Variants in PSMB3 observed in about 807,000 individuals in gnomAD.
PSMB3 encodes the protein proteasome 20S subunit beta 3.
In PSMB3, 5 loss-of-function variants were observed where a neutral mutation model predicts 23.3. That is an observed-to-expected ratio of 0.21 (90% CI 0.11 to 0.45). The LOEUF is 0.45. Among genes scored for constraint, PSMB3 ranks in the 20% least tolerant of loss-of-function variants. The pLI, the probability that PSMB3 is intolerant of heterozygous loss-of-function variation, is 0.99. For synonymous variants in PSMB3, 85 were observed against 99.8 expected (o/e 0.85, Z 0.88); for missense variants, 192 against 277.9 (o/e 0.69, Z 2.20).
intron 5 of PSMB3, 36 bp from the exon 6 acceptor site, chr17:38,764,083 G>A (rs912872727): frequency 6.2e-7 from 1 of 1,613,548 alleles, no homozygotes; most frequent in African/African-American, 1.3e-5. Context: ...GTCCAGATGG[G>A]TAGAGATGTT....
At chr17:38,756,979 T>C (rs1315767686) in intron 3 of PSMB3, among the ~76,000 whole-genome samples, 99 of 149,684 alleles carry the variant, frequency 6.6e-4, no homozygotes, top group Non-Finnish European at 1.3e-4. Context: ...GTGATTTTCC[T>C]GCCTCAGCCT....
intron 3 of PSMB3, among the ~76,000 whole-genome samples, chr17:38,757,724 A>G (rs1340498793): frequency 6.6e-6 from 1 of 152,216 alleles, no homozygotes; most frequent in Non-Finnish European, 1.5e-5. Flanking sequence ...CTGAGGCAGG[A>G]GAATCGCTTG....
chr17:38,755,668 A>ATG (rs1298424838), intron 2 of PSMB3, among the ~76,000 whole-genome samples: 29 of 77,720 alleles, frequency 3.7e-4, no homozygotes, highest in African/African-American at 1.4e-3. Flanking sequence ...AAATATATAT[A>ATG]TATATATATA....
At chr17:38,753,403 G>A (rs986249906) in intron 2 of PSMB3, 69 bp downstream of exon 2, 101 of 1,510,102 alleles carry the variant, frequency 6.7e-5, no homozygotes, top group Non-Finnish European at 8.5e-5. Flanking sequence ...CGTCTTGACC[G>A]GCCAAGGTGT....
intron 3 of PSMB3, 45 bp from the exon 4 acceptor site, chr17:38,760,386 G>T (rs1908382969): frequency 1.3e-6 from 2 of 1,598,078 alleles, no homozygotes; most frequent in Admixed American, 3.4e-5. Context: ...ATGAAAGCGA[G>T]CGTTCTTGAG....
intron 3 of PSMB3, 34 bp downstream of exon 3, chr17:38,756,024 C>G: frequency 6.6e-7 from 1 of 1,519,332 alleles, no homozygotes; most frequent in Non-Finnish European, 9.1e-7. Context: ...TGAGGGAATG[C>G]AGACATCTTT....
At position 38,760,530 on chromosome 17, in the gene PSMB3, G is replaced by A; in HGVS notation, c.396G>A (p.Val132=). 6.2e-7 allele frequency: 1 copy of A among 1,614,260 alleles called. No homozygotes were observed. Residue 132 remains valine (V), a synonymous_variant, in exon 4 of 6, where the codon GTG becomes GTA. Coordinates refer to ENST00000619426, the MANE Select transcript of PSMB3 (RefSeq NM_002795.4). ...CSLDLIGCPM[V]TDDFVVSGTC... is the part of the protein sequence containing the mutation. The stretch of plus-strand genomic sequence containing the variant: ...TAGACCTCATCGGCTGCCCCATGGT[G>A]ACTGATGACTTTGTGGTCAGTGGCA...
chr17:38,753,424 C>G, intron 2 of PSMB3, 90 bp downstream of exon 2: 1 of 1,301,108 alleles, frequency 7.7e-7, no homozygotes, highest in Non-Finnish European at 1.1e-6. Context: ...CAGTCATCTA[C>G]CACACACCAC....
intron 4 of PSMB3, among the ~76,000 whole-genome samples, chr17:38,761,768 G>C (rs1177207460): frequency 2.0e-5 from 3 of 152,212 alleles, no homozygotes; most frequent in Admixed American, 2.0e-4. Flanking sequence ...TCTGTCCTCT[G>C]CCATAGGAAC....
intron 4 of PSMB3, 45 bp downstream of exon 4, chr17:38,760,653 C>T (rs780585383): frequency 6.2e-5 from 99 of 1,607,420 alleles, no homozygotes; most frequent in Non-Finnish European, 7.5e-5. Flanking sequence ...AGTTACCCAC[C>T]CTTGGTCATT....
chr17:38,753,459 T>A, intron 2 of PSMB3, 125 bp downstream of exon 2: 1 of 951,196 alleles, frequency 1.1e-6, no homozygotes, highest in Non-Finnish European at 1.5e-6. Context: ...CTTTGCCGCC[T>A]CCAAAAAACA....
chr17:38,753,376 G>A, intron 2 of PSMB3, 42 bp downstream of exon 2: 1 of 1,587,048 alleles, frequency 6.3e-7, no homozygotes, highest in Non-Finnish European at 8.6e-7. Context: ...GCCTCTTCTT[G>A]GACCATCCAA....
At position 38,753,141 on chromosome 17, in the gene PSMB3, C is replaced by CT. The variant is rs753321237; in HGVS notation, c.4-8dup. The stretch of plus-strand genomic sequence containing the variant: ...CCCCGCGCTGACCCCTCCGCTCTGT[C>CT]TGTCCTAGTCTATTATGTCCTATAA... On this transcript the variant is annotated splice_polypyrimidine_tract_variant and intron_variant, in intron 1 of 5. Transcript: ENST00000619426. 2 of 1,611,090 alleles carry CT rather than the reference C, an allele frequency of 1.2e-6. No homozygotes were observed. Among genetic ancestry groups the CT allele is most frequent in the Admixed American group, 3.4e-5 (2 of 59,542 alleles).
Position 38,760,418 on chromosome 17 carries a change from C to T in PSMB3, c.297-13C>T. 6.2e-7 allele frequency: 1 copy of T among 1,612,150 alleles called. No homozygotes were observed. The highest frequency in any genetic ancestry group is 8.5e-7 in the Non-Finnish European group (1 of 1,179,086). ...TGAGTTCTGGTTTCTCTCTCTGATG[C>T]TGGCCCCCACAGGTTTGGCCCTTAC... On this transcript the variant is annotated splice_polypyrimidine_tract_variant and intron_variant, in intron 3 of 5. Transcript: ENST00000619426.
At chr17:38,762,721 G>GT (rs1235477531) in intron 5 of PSMB3, among the ~76,000 whole-genome samples, 1 of 152,180 alleles carries the variant, frequency 6.6e-6, no homozygotes, top group African/African-American at 2.4e-5. Flanking sequence ...GTGAGGTTCT[G>GT]TGACCCCGTG....
intron 3 of PSMB3, among the ~76,000 whole-genome samples, chr17:38,759,625 A>C (rs1908351000): frequency 6.6e-6 from 1 of 151,538 alleles, no homozygotes; most frequent in Non-Finnish European, 1.5e-5. Context: ...GCTCACTGCA[A>C]GCTCCGCCTC....
chr17:38,762,976 AG>A (rs1489772500), intron 5 of PSMB3, among the ~76,000 whole-genome samples: 1 of 152,194 alleles, frequency 6.6e-6, no homozygotes, highest in African/African-American at 2.4e-5. Context: ...CTGATTGGAT[AG>A]AGTAGGAGGT....
chr17:38,758,755 C>CTGT (rs1908315245), intron 3 of PSMB3, among the ~76,000 whole-genome samples: 1 of 152,202 alleles, frequency 6.6e-6, no homozygotes, highest in Admixed American at 6.5e-5. Flanking sequence ...TTAGAAATGA[C>CTGT]TGTGATCCAG....
chr17:38,762,388 A>G lies in PSMB3; in HGVS notation c.475-23A>G, dbSNP rs1186868439. On this transcript the variant is annotated intron_variant, in intron 4 of 5. Transcript: ENST00000619426. Reference sequence around the variant, plus strand: ...AATCAGAGCCAGAGGCTGTGGTTTGAAGGGGTTCCACTCTGTTGGCAGGAT... The same window carrying G: ...AATCAGAGCCAGAGGCTGTGGTTTGGAGGGGTTCCACTCTGTTGGCAGGAT... 2.5e-6 allele frequency: 4 copies of G among 1,603,102 alleles called. No individual in the cohort carries two copies. The African/African-American group carries it at 5.4e-5, about 21-fold the overall frequency.
Sources: gnomAD v4.1 joint callset for allele counts (sites outside exome capture counted in the v4.1 genomes callset) on GRCh38, gnomAD v4.1.1 for gene constraint, MANE v1.5 for transcripts, NCBI Gene and HGNC (gene_info 2026-07-23, HGNC 2026-07-21) for gene names.